Variants in BMP2K observed in about 807,000 individuals in gnomAD.
The protein encoded by BMP2K is BMP-2-inducible protein kinase.
Under a neutral mutation model 116.0 loss-of-function variants are expected in BMP2K, and 74 were observed. The ratio of observed to expected loss-of-function variants is 0.64; its 90% CI spans 0.53 to 0.77. The LOEUF (loss-of-function observed/expected upper bound fraction) is 0.77, where lower values mean the gene tolerates loss of function less well. BMP2K is among the 30% of genes least tolerant of loss of function. BMP2K has a pLI of 0.00. For synonymous variants in BMP2K, 486 were observed against 502.5 expected, an observed-to-expected ratio of 0.97 and a Z score of 0.44; for missense variants, 1,365 against 1,403.6, an observed-to-expected ratio of 0.97 and a Z score of 0.44.
chr4:78,915,166 C>T lies in BMP2K; in HGVS notation c.*3133C>T, dbSNP rs2291181. The T allele has an allele frequency of 0.075, 11,463 of 151,924 alleles. 543 individuals carry two copies. Among genetic ancestry groups the T allele is most frequent in the East Asian group, 0.21 (1,108 of 5,164 alleles). 9.4% of individuals were successfully genotyped at this position (151,924 alleles called of 1,614,324 possible). A position where few individuals can be genotyped will look rare whatever the true frequency, so the allele number is the denominator to read the frequency against. On this transcript the variant is annotated 3_prime_UTR_variant, in exon 16 of 16. Transcript: ENST00000502613. Reference sequence around the variant, plus strand: ...CCTGTGTACGTGTTGGGTATAGTTACGACATTATCCGGATTTGCAAATAGA... The same window carrying T: ...CCTGTGTACGTGTTGGGTATAGTTATGACATTATCCGGATTTGCAAATAGA...
At chr4:78,857,868 C>T (rs1383396518) in intron 7 of BMP2K, among the ~76,000 whole-genome samples, 1 of 151,838 alleles carries the variant, frequency 6.6e-6, no homozygotes, top group Non-Finnish European at 1.5e-5. Context: ...ATCATGTTGC[C>T]CTGTTTATAT....
At chr4:78,846,727 A>T (rs1051687235) in intron 5 of BMP2K, among the ~76,000 whole-genome samples, 1 of 151,692 alleles carries the variant, frequency 6.6e-6, no homozygotes, top group Non-Finnish European at 1.5e-5. Context: ...GAGATTTACT[A>T]CTGTGTCAAG....
intron 7 of BMP2K, among the ~76,000 whole-genome samples, chr4:78,855,080 A>G (rs1292021333): frequency 6.6e-6 from 1 of 152,102 alleles, no homozygotes; most frequent in Non-Finnish European, 1.5e-5. Context: ...TATTCCAAAT[A>G]TATTATCCTG....
rs949590155 is a variant in BMP2K, at chr4:78,902,984, T to C, written c.2063-7626T>C. Among the ~76,000 whole-genome samples, 3 of 152,212 alleles carry C rather than the reference T, an allele frequency of 2.0e-5. No homozygotes were observed. In the South Asian group the frequency reaches 6.2e-4, roughly 32 times the overall value. On this transcript the variant is annotated intron_variant, in intron 15 of 15. Coordinates refer to ENST00000502613, the MANE Select transcript of BMP2K (RefSeq NM_198892.2). Reference sequence around the variant, plus strand: ...AAATGCTATAACAAATATATGAAAATGTAGCCTAAGAAATGTTGTTTTAGG... The same window carrying C: ...AAATGCTATAACAAATATATGAAAACGTAGCCTAAGAAATGTTGTTTTAGG...
At chr4:78,897,516 C>T (rs1195243214) in intron 15 of BMP2K, among the ~76,000 whole-genome samples, 1 of 152,080 alleles carries the variant, frequency 6.6e-6, no homozygotes, top group African/African-American at 2.4e-5. Context: ...ACAATCTCAT[C>T]ATTATATTAG....
chr4:78,902,215 T>G (rs1734045078), intron 15 of BMP2K, among the ~76,000 whole-genome samples: 1 of 152,164 alleles, frequency 6.6e-6, no homozygotes, highest in Admixed American at 6.6e-5. Context: ...CTTACATAGT[T>G]TATAAGTAGG....
At chr4:78,820,046 T>TTG (rs1729539190) in intron 1 of BMP2K, among the ~76,000 whole-genome samples, 1 of 152,222 alleles carries the variant, frequency 6.6e-6, no homozygotes, top group African/African-American at 2.4e-5. Context: ...ATTAATGTTA[T>TTG]TGTACAATTA....
intron 2 of BMP2K, among the ~76,000 whole-genome samples, chr4:78,830,283 A>T (rs1478789149): frequency 6.6e-6 from 1 of 152,184 alleles, no homozygotes. Flanking sequence ...TGAGCAGTAG[A>T]TTTCAACAGT....
intron 14 of BMP2K, 124 bp from the exon 15 acceptor site, chr4:78,887,050 C>G (rs1733131342): frequency 1.5e-6 from 1 of 646,164 alleles, no homozygotes; most frequent in African/African-American, 1.8e-5. Context: ...GATTCTGAAC[C>G]TAATGTTTTG....
intron 15 of BMP2K, among the ~76,000 whole-genome samples, chr4:78,900,943 T>C (rs896155321): frequency 2.0e-5 from 3 of 147,184 alleles, no homozygotes; most frequent in Non-Finnish European, 4.4e-5. Flanking sequence ...ATGTTAGTAG[T>C]GTGGTTTATC....
chr4:78,889,300 A>T (rs765953626), intron 15 of BMP2K, among the ~76,000 whole-genome samples: 1 of 152,012 alleles, frequency 6.6e-6, no homozygotes, highest in African/African-American at 2.4e-5. Context: ...GTGAACATAA[A>T]TATTGGACTG....
In BMP2K at chr4:78,915,601, C is replaced by G. The variant is rs1734979229; in HGVS notation, c.*3568C>G. ...AATAGTTTATTTGAGAACTTTTATA[C>G]TCAGTGGTGTTTTATATATTAAGAT... is the stretch of plus-strand genomic sequence containing the variant. On this transcript the variant is annotated 3_prime_UTR_variant, in exon 16 of 16. Coordinates refer to ENST00000502613, the MANE Select transcript of BMP2K (RefSeq NM_198892.2). The G allele has an allele frequency of 6.6e-6, 1 of 151,782 alleles. No homozygotes were observed. The highest frequency in any genetic ancestry group is 2.1e-4 in the South Asian group (1 of 4,822). 9.4% of individuals were successfully genotyped at this position (151,782 alleles called of 1,614,324 possible).
intron 7 of BMP2K, among the ~76,000 whole-genome samples, chr4:78,854,905 C>T (rs1256518164): frequency 6.6e-6 from 1 of 151,882 alleles, no homozygotes; most frequent in Non-Finnish European, 1.5e-5. Flanking sequence ...CTCACCCACT[C>T]TCTTCTCCTA....
chr4:78,845,383 G>A (rs1363947716), intron 5 of BMP2K, among the ~76,000 whole-genome samples: 2 of 151,562 alleles, frequency 1.3e-5, no homozygotes, highest in Non-Finnish European at 3.0e-5. Context: ...ATTTGTCCTT[G>A]TTAAGAAAAA....
At chr4:78,903,910 G>A (rs190697186) in intron 15 of BMP2K, among the ~76,000 whole-genome samples, 5 of 152,040 alleles carry the variant, frequency 3.3e-5, no homozygotes, top group Non-Finnish European at 7.4e-5. Context: ...AGAATTTACA[G>A]ATGAGAGTTT....
chr4:78,907,808 T>G (rs72862535), intron 15 of BMP2K, among the ~76,000 whole-genome samples: 8 of 152,192 alleles, frequency 5.3e-5, no homozygotes, highest in East Asian at 1.9e-4. Context: ...AGAATACACT[T>G]TGGGCAACAT....
At chr4:78,776,825 T>TC in intron 1 of BMP2K, 104 bp downstream of exon 1, 1 of 1,062,572 alleles carries the variant, frequency 9.4e-7, no homozygotes, top group Non-Finnish European at 1.2e-6. Flanking sequence ...TATACCCCAT[T>TC]CTTCCTCTGC....
intron 1 of BMP2K, among the ~76,000 whole-genome samples, chr4:78,793,025 A>G (rs888567914): frequency 6.6e-6 from 1 of 152,218 alleles, no homozygotes; most frequent in Non-Finnish European, 1.5e-5. Context: ...ACAGTCTTCT[A>G]TTAAGCCAAA....
At chr4:78,881,047 A>T (rs1044386759) in intron 14 of BMP2K, among the ~76,000 whole-genome samples, 5 of 152,226 alleles carry the variant, frequency 3.3e-5, no homozygotes, top group African/African-American at 1.2e-4. Context: ...ATCCCTGACA[A>T]TGTTACTTAA....
Sources: allele counts gnomAD v4.1 joint callset (sites outside exome capture counted in the v4.1 genomes callset), GRCh38; gene constraint gnomAD v4.1.1; transcripts MANE v1.5; gene names NCBI Gene and HGNC (gene_info 2026-07-23, HGNC 2026-07-21).